UNC13C: variants seen among roughly 807,000 people sequenced by gnomAD.
UNC13C encodes the protein protein unc-13 homolog C.
UNC13C carries 174 observed loss-of-function variants against 245.4 expected under a neutral mutation model. The observed-to-expected ratio is 0.71, with a 90% CI of 0.63 to 0.80. UNC13C has a LOEUF of 0.80. Ranked by LOEUF, UNC13C falls within the 30% of genes least tolerant of loss-of-function variation. UNC13C has a pLI of 0.00. For missense variants in UNC13C, 2,829 were observed against 2,602.9 expected (o/e 1.09, Z -1.89); for synonymous variants, 992 against 895.1 (o/e 1.11, Z -1.93).
intron 25 of UNC13C, among the ~76,000 whole-genome samples, chr15:54,532,050 A>G (rs1281894293): frequency 1.3e-5 from 2 of 152,192 alleles, no homozygotes; most frequent in Non-Finnish European, 2.9e-5. Flanking sequence ...GTTCAGGGGT[A>G]TATGTGCAGG....
intron 8 of UNC13C, among the ~76,000 whole-genome samples, chr15:54,263,679 T>C (rs2140888781): frequency 6.6e-6 from 1 of 152,272 alleles, no homozygotes; most frequent in Admixed American, 6.5e-5. Flanking sequence ...TCAATCATTT[T>C]CTTCCCAAGT....
chr15:54,235,089 T>C lies in UNC13C; in HGVS notation c.3131T>C (p.Leu1044Ser), dbSNP rs764419641. The change falls in exon 5 of 33, where the codon TTG (leucine) becomes TCG (serine). Residue 1044 changes from leucine to serine, a missense_variant. Coordinates refer to ENST00000260323, the MANE Select transcript of UNC13C (RefSeq NM_001080534.3). ...SMPDLRRKKT[L>S]PIVRDVAMTL... ...CCGGATCTTCGCAGAAAAAAAACTT[T>C]GCCTATTGTCCGAGATGTGGTAAGT... The C allele has an allele frequency of 6.2e-7, 1 of 1,613,962 alleles. No individual in the cohort carries two copies. The highest frequency in any genetic ancestry group is 1.1e-5 in the South Asian group (1 of 91,088).
At chr15:53,934,476 C>T in the UNC13C span, among the ~76,000 whole-genome samples, 101,062 of 151,946 alleles carry the variant, frequency 0.67, 33,857 homozygotes, top group East Asian at 0.85. Flanking sequence ...GTGAATAAAT[C>T]TATGTTTATC....
chr15:54,071,099 G>A (rs765710123), intron 2 of UNC13C, among the ~76,000 whole-genome samples: 7 of 151,972 alleles, frequency 4.6e-5, no homozygotes, highest in East Asian at 1.9e-4. Flanking sequence ...TATTTTTAAC[G>A]TGAAATGTAT....
intron 24 of UNC13C, among the ~76,000 whole-genome samples, chr15:54,516,600 C>A (rs1566882661): frequency 6.6e-6 from 1 of 151,886 alleles, no homozygotes. Flanking sequence ...GTCAAGAGTT[C>A]GAGATCAGCC....
intron 17 of UNC13C, among the ~76,000 whole-genome samples, chr15:54,352,194 C>A (rs1362823469): frequency 1.3e-5 from 2 of 150,752 alleles, no homozygotes; most frequent in African/African-American, 4.9e-5. Context: ...TATTTTCAGC[C>A]TTCCAGGAAA....
chr15:54,629,087 C>A (rs576469168), downstream of UNC13C: 6 of 152,148 alleles, frequency 3.9e-5, no homozygotes, highest in South Asian at 1.2e-3. Context: ...ACATATACAC[C>A]GTGGAATACT....
intron 4 of UNC13C, among the ~76,000 whole-genome samples, chr15:54,231,250 T>C (rs1295175236): frequency 6.6e-6 from 1 of 152,148 alleles, no homozygotes; most frequent in East Asian, 1.9e-4. Context: ...AAAATGCTTA[T>C]TGATTATTAA....
chr15:54,461,141 T>C (rs1218841401), intron 19 of UNC13C, among the ~76,000 whole-genome samples: 2 of 152,136 alleles, frequency 1.3e-5, no homozygotes, highest in Non-Finnish European at 2.9e-5. Flanking sequence ...TATATTTTTC[T>C]TAGGATATTT....
At chr15:53,924,181 T>C in the UNC13C span, among the ~76,000 whole-genome samples, 7 of 152,074 alleles carry the variant, frequency 4.6e-5, no homozygotes, top group South Asian at 1.5e-3. Flanking sequence ...CACTCCAACC[T>C]GGGCAACAGA....
intron 19 of UNC13C, among the ~76,000 whole-genome samples, chr15:54,418,285 C>G (rs72734718): frequency 0.065 from 9,829 of 152,164 alleles, 474 homozygotes; most frequent in African/African-American, 0.14. Flanking sequence ...TTTTAGCCAT[C>G]AAACAGATTT....
chr15:54,113,004 A>T (rs928686223), intron 2 of UNC13C, among the ~76,000 whole-genome samples: 23 of 152,206 alleles, frequency 1.5e-4, no homozygotes, highest in Non-Finnish European at 2.9e-5. Flanking sequence ...GGTACAGTAA[A>T]TAGTGTTTTT....
intron 4 of UNC13C, among the ~76,000 whole-genome samples, chr15:54,216,024 C>A (rs1433696887): frequency 2.6e-5 from 4 of 151,826 alleles, no homozygotes; most frequent in African/African-American, 9.7e-5. Flanking sequence ...CAATAAAATT[C>A]ACAACAAATG....
intron 19 of UNC13C, among the ~76,000 whole-genome samples, chr15:54,426,433 C>A (rs1331920231): frequency 1.3e-5 from 2 of 150,422 alleles, no homozygotes; most frequent in African/African-American, 4.9e-5. Flanking sequence ...ACAAGTAGTG[C>A]CCTCCAACAT....
At chr15:54,374,106 C>T (rs1195645803) in intron 17 of UNC13C, among the ~76,000 whole-genome samples, 1 of 152,162 alleles carries the variant, frequency 6.6e-6, no homozygotes. Context: ...CTGAATGTCT[C>T]CCCAAGTCTG....
the UNC13C span, among the ~76,000 whole-genome samples, chr15:53,926,271 A>C: frequency 0.028 from 4,282 of 152,250 alleles, 86 homozygotes; most frequent in East Asian, 0.07. Context: ...AAATGGAAAA[A>C]TAATTTGTAG....
At chr15:54,536,932 G>T (rs1482050215) in intron 26 of UNC13C, among the ~76,000 whole-genome samples, 3 of 152,102 alleles carry the variant, frequency 2.0e-5, no homozygotes, top group Admixed American at 6.6e-5. Context: ...AGACAAGGAT[G>T]CTCACTCTCA....
intron 4 of UNC13C, among the ~76,000 whole-genome samples, chr15:54,163,014 T>C (rs1287021930): frequency 6.6e-6 from 1 of 152,162 alleles, no homozygotes; most frequent in Non-Finnish European, 1.5e-5. Context: ...TCTCACTCCT[T>C]GTGGTAGACA....
At chr15:54,379,757 C>T (rs2039680997) in intron 17 of UNC13C, among the ~76,000 whole-genome samples, 1 of 152,052 alleles carries the variant, frequency 6.6e-6, no homozygotes, top group Admixed American at 6.6e-5. Flanking sequence ...GAATATTGGC[C>T]CCAATTCCAT....
Sources: allele counts gnomAD v4.1 joint callset (sites outside exome capture counted in the v4.1 genomes callset), GRCh38; gene constraint gnomAD v4.1.1; transcripts MANE v1.5; gene names NCBI Gene and HGNC (gene_info 2026-07-23, HGNC 2026-07-21).